NELL1: variants seen among roughly 807,000 people sequenced by gnomAD.
NELL1 encodes the protein protein kinase C-binding protein NELL1.
A neutral mutation model predicts 107.4 loss-of-function variants in NELL1; 76 were observed. The observed-to-expected ratio is 0.71, with a 90% CI of 0.59 to 0.86. The LOEUF is 0.86. Among genes scored for constraint, NELL1 ranks in the 40% least tolerant of loss-of-function variants. The pLI, the probability that NELL1 is intolerant of heterozygous loss-of-function variation, is 0.00. For missense variants in NELL1, 1,024 were observed against 1,005.5 expected, an observed-to-expected ratio of 1.02 and a Z score of -0.25; for synonymous variants, 353 against 341.2, an observed-to-expected ratio of 1.03 and a Z score of -0.38.
At chr11:21,336,982 C>G (rs1007100372) in intron 14 of NELL1, among the ~76,000 whole-genome samples, 1 of 151,936 alleles carries the variant, frequency 6.6e-6, no homozygotes, top group Non-Finnish European at 1.5e-5. Flanking sequence ...ATATTATGCT[C>G]AGTTAAACAA....
intron 5 of NELL1, among the ~76,000 whole-genome samples, chr11:20,916,607 C>T (rs1440428329): frequency 6.6e-6 from 1 of 151,858 alleles, no homozygotes; most frequent in Non-Finnish European, 1.5e-5. Context: ...ACATATACTT[C>T]CACCAATTCT....
At chr11:21,455,032 T>C (rs1470943349) in intron 15 of NELL1, among the ~76,000 whole-genome samples, 1 of 152,250 alleles carries the variant, frequency 6.6e-6, no homozygotes, top group Non-Finnish European at 1.5e-5. Flanking sequence ...AAATTTATTC[T>C]GTGTGAAGAA....
intron 12 of NELL1, among the ~76,000 whole-genome samples, chr11:21,026,058 C>T (rs1156575172): frequency 6.6e-6 from 1 of 152,142 alleles, no homozygotes; most frequent in South Asian, 2.1e-4. Flanking sequence ...TGTTTAAGCC[C>T]CCATAAACTT....
intron 2 of NELL1, among the ~76,000 whole-genome samples, chr11:20,740,864 G>A (rs1365070660): frequency 6.6e-6 from 1 of 152,002 alleles, no homozygotes; most frequent in Non-Finnish European, 1.5e-5. Flanking sequence ...GGGCCCAAGT[G>A]ATCCTCCTGC....
intron 14 of NELL1, among the ~76,000 whole-genome samples, chr11:21,341,256 G>A (rs563342930): frequency 5.3e-5 from 8 of 152,218 alleles, no homozygotes; most frequent in African/African-American, 1.7e-4. Context: ...TCTACATTGT[G>A]ATAGAGTTCA....
At chr11:20,740,553 C>T (rs1855866908) in intron 2 of NELL1, among the ~76,000 whole-genome samples, 1 of 152,132 alleles carries the variant, frequency 6.6e-6, no homozygotes, top group African/African-American at 2.4e-5. Flanking sequence ...ATCTAGGAAT[C>T]CTTCCCTCCT....
At chr11:20,870,162 A>G (rs1483655576) in intron 4 of NELL1, among the ~76,000 whole-genome samples, 1 of 152,180 alleles carries the variant, frequency 6.6e-6, no homozygotes, top group Admixed American at 6.5e-5. Context: ...TTCTTTATGT[A>G]AGAGGTAAGG....
At chr11:20,681,456 G>T (rs1339225459) in intron 2 of NELL1, among the ~76,000 whole-genome samples, 1 of 151,946 alleles carries the variant, frequency 6.6e-6, no homozygotes, top group African/African-American at 2.4e-5. Context: ...TTATGTCTTT[G>T]CTGGGACCAC....
intron 15 of NELL1, among the ~76,000 whole-genome samples, chr11:21,497,543 TGC>T (rs1855015133): frequency 6.6e-6 from 1 of 152,180 alleles, no homozygotes; most frequent in African/African-American, 2.4e-5. Flanking sequence ...ATCATTTAAT[TGC>T]GTTAGTTAAT....
intron 4 of NELL1, among the ~76,000 whole-genome samples, chr11:20,863,792 C>G (rs535766298): frequency 6.6e-6 from 1 of 152,176 alleles, no homozygotes; most frequent in African/African-American, 2.4e-5. Context: ...GCCGAGATCA[C>G]GCCACTGCAC....
At chr11:21,144,628 A>G (rs11025945) in intron 13 of NELL1, among the ~76,000 whole-genome samples, 43,941 of 151,928 alleles carry the variant, frequency 0.29, 6,602 homozygotes, top group Non-Finnish European at 0.34. Flanking sequence ...GAATGAAGAC[A>G]AGTAGATATT....
intron 2 of NELL1, among the ~76,000 whole-genome samples, chr11:20,720,202 G>GTAT (rs1554906382): frequency 7.1e-6 from 1 of 141,058 alleles, no homozygotes; most frequent in Non-Finnish European, 1.5e-5. Context: ...GTTCATTCCT[G>GTAT]TTTTTTTTTT....
At chr11:21,434,025 A>G (rs1853039296) in intron 15 of NELL1, among the ~76,000 whole-genome samples, 1 of 152,058 alleles carries the variant, frequency 6.6e-6, no homozygotes, top group African/African-American at 2.4e-5. Flanking sequence ...TCATTTGCCC[A>G]TTTTTTAATG....
At chr11:21,042,772 G>C (rs1270375263) in intron 12 of NELL1, among the ~76,000 whole-genome samples, 1 of 152,100 alleles carries the variant, frequency 6.6e-6, no homozygotes, top group Non-Finnish European at 1.5e-5. Context: ...TCAGGGAGCT[G>C]TTTCCAACAT....
intron 13 of NELL1, among the ~76,000 whole-genome samples, chr11:21,138,251 G>A (rs12223463): frequency 6.6e-6 from 1 of 152,064 alleles, no homozygotes; most frequent in African/African-American, 2.4e-5. Flanking sequence ...GGATTACTAA[G>A]TTAATGTTTT....
In NELL1 at chr11:21,203,004, G is replaced by A. The variant is rs573561679; in HGVS notation, c.1427-26328G>A. Among the ~76,000 whole-genome samples the A allele has an allele frequency of 3.3e-5, 5 of 152,008 alleles. No homozygotes were observed. The South Asian group carries it at 8.3e-4, about 25-fold the overall frequency. ...GGTCTGAGAGACTGTTACGACTTCC[G>A]TTCTTTTGCATTTGCTGAGGAGTGT... On this transcript the variant is annotated intron_variant, in intron 13 of 19. Coordinates refer to ENST00000357134, the MANE Select transcript of NELL1 (RefSeq NM_006157.5).
chr11:20,918,861 G>A (rs1027610096), intron 6 of NELL1, among the ~76,000 whole-genome samples: 2 of 151,792 alleles, frequency 1.3e-5, no homozygotes, highest in Non-Finnish European at 2.9e-5. Flanking sequence ...TTCTATAGGT[G>A]GATATAGAAA....
At chr11:20,749,372 G>A (rs535577360) in intron 2 of NELL1, among the ~76,000 whole-genome samples, 13 of 152,142 alleles carry the variant, frequency 8.5e-5, no homozygotes, top group Middle Eastern at 3.4e-3. Flanking sequence ...GGTCAAGGTC[G>A]GTGGATGCTT....
intron 3 of NELL1, among the ~76,000 whole-genome samples, chr11:20,825,704 A>G (rs1857866517): frequency 6.6e-6 from 1 of 151,466 alleles, no homozygotes; most frequent in East Asian, 1.9e-4. Flanking sequence ...TCATAGGTGG[A>G]AGGAACTTAC....
Sources: allele counts gnomAD v4.1 joint callset (sites outside exome capture counted in the v4.1 genomes callset), GRCh38; gene constraint gnomAD v4.1.1; transcripts MANE v1.5; gene names NCBI Gene and HGNC (gene_info 2026-07-23, HGNC 2026-07-21).